Variants in SGPP2 observed in about 807,000 individuals in gnomAD.
The protein encoded by SGPP2 is sphingosine-1-phosphate phosphatase 2, also known as sphingosine 1-phosphate phosphohydrolase 2.
A neutral mutation model predicts 33.9 loss-of-function variants in SGPP2; 30 were observed. The observed-to-expected ratio is 0.89, with a 90% CI of 0.66 to 1.20. SGPP2 has a LOEUF of 1.20. Among genes scored for constraint, SGPP2 ranks in the 50% most tolerant of loss-of-function variants. The pLI is 0.00. For missense variants in SGPP2, 458 were observed against 532.1 expected (o/e 0.86, Z 1.37); for synonymous variants, 233 against 225.0 (o/e 1.04, Z -0.32).
At chr2:222,506,002 A>G (rs1227116384) in intron 2 of SGPP2, among the ~76,000 whole-genome samples, 1 of 152,038 alleles carries the variant, frequency 6.6e-6, no homozygotes, top group African/African-American at 2.4e-5. Flanking sequence ...ATCAAACTAT[A>G]TATGACGCCA....
rs894241585 is a variant in SGPP2 at position 222,559,239 on chromosome 2, T to C, written c.*341T>C. 8.1e-6 allele frequency: 2 copies of C among 247,784 alleles called. No homozygotes were observed. Among genetic ancestry groups the C allele is most frequent in the Non-Finnish European group, 7.6e-6 (1 of 130,936 alleles). The allele number at this position is 247,784 out of a possible 1,614,324, so 15.3% of individuals were successfully genotyped here. A position where few individuals can be genotyped will look rare whatever the true frequency, so the allele number is the denominator to read the frequency against. ...GATCTAGTCATGGGCTGGCAGGAATTGTGGCCTGGCTTAGGAATAGCTATG... is the reference window on the plus strand; with the variant it reads ...GATCTAGTCATGGGCTGGCAGGAATCGTGGCCTGGCTTAGGAATAGCTATG... On this transcript the variant is annotated 3_prime_UTR_variant, in exon 5 of 5. Coordinates refer to ENST00000321276, the MANE Select transcript of SGPP2 (RefSeq NM_152386.4).
chr2:222,442,895 C>T (rs1248955724), intron 1 of SGPP2, among the ~76,000 whole-genome samples: 1 of 152,290 alleles, frequency 6.6e-6, no homozygotes, highest in East Asian at 1.9e-4. Flanking sequence ...GCAAGCTCAG[C>T]AGGAGTCAAT....
At chr2:222,533,841 T>G (rs1054988950) in intron 4 of SGPP2, among the ~76,000 whole-genome samples, 5 of 152,068 alleles carry the variant, frequency 3.3e-5, no homozygotes, top group African/African-American at 9.7e-5. Context: ...GAGGAGAGTT[T>G]CAGGGAAGAT....
chr2:222,524,277 C>T (rs920444182), intron 3 of SGPP2, among the ~76,000 whole-genome samples: 7 of 152,202 alleles, frequency 4.6e-5, no homozygotes, highest in Non-Finnish European at 5.9e-5. Flanking sequence ...CTTCTTACTA[C>T]AGTATACCAC....
intron 1 of SGPP2, among the ~76,000 whole-genome samples, chr2:222,466,852 G>A (rs1697753958): frequency 6.6e-6 from 1 of 152,124 alleles, no homozygotes; most frequent in Admixed American, 6.6e-5. Flanking sequence ...ATTTGATCAG[G>A]CTGCTGTCTC....
intron 1 of SGPP2, among the ~76,000 whole-genome samples, chr2:222,425,549 G>A (rs968518079): frequency 1.3e-5 from 2 of 152,178 alleles, no homozygotes; most frequent in Admixed American, 1.3e-4. Flanking sequence ...GGCTTGGGGG[G>A]AACCAGCGTG....
intron 4 of SGPP2, among the ~76,000 whole-genome samples, chr2:222,541,172 A>G (rs1574887109): frequency 6.6e-6 from 1 of 152,172 alleles, no homozygotes; most frequent in African/African-American, 2.4e-5. Flanking sequence ...AACAGCAAAT[A>G]TCATCCAAGC....
chr2:222,426,209 CAAAAAAAAAAAAA>C (rs59881994), intron 1 of SGPP2, among the ~76,000 whole-genome samples: 16 of 58,758 alleles, frequency 2.7e-4, no homozygotes. Context: ...GACTCCGTCT[CAAAAAAAAAAAAA>C]AAAAAAAAAA....
At chr2:222,453,259 G>A (rs1422500937) in intron 1 of SGPP2, 15 of 759,090 alleles carry the variant, frequency 2.0e-5, no homozygotes, top group Non-Finnish European at 3.7e-5. Context: ...ATGCTTTGAA[G>A]CCAGGCAGGT....
At chr2:222,512,122 C>G (rs1574870166) in intron 2 of SGPP2, among the ~76,000 whole-genome samples, 1 of 152,232 alleles carries the variant, frequency 6.6e-6, no homozygotes, top group South Asian at 2.1e-4. Flanking sequence ...TCACGCCATT[C>G]TGCCTCAGCC....
chr2:222,552,067 A>T (rs1440547695), intron 4 of SGPP2, among the ~76,000 whole-genome samples: 1 of 152,208 alleles, frequency 6.6e-6, no homozygotes, highest in African/African-American at 2.4e-5. Flanking sequence ...GCTGAGTAGT[A>T]TTCCATTGTA....
At chr2:222,493,520 T>C in intron 2 of SGPP2, among the ~76,000 whole-genome samples, 1 of 152,140 alleles carries the variant, frequency 6.6e-6, no homozygotes, top group Non-Finnish European at 1.5e-5. Context: ...AGTCAAACCA[T>C]ATCACAAGTC....
chr2:222,443,366 T>C (rs187470797), intron 1 of SGPP2, among the ~76,000 whole-genome samples: 20 of 152,304 alleles, frequency 1.3e-4, no homozygotes, highest in Non-Finnish European at 2.8e-4. Context: ...TTTCAACCCT[T>C]GTCCCTCTCC....
chr2:222,473,687 G>A (rs1407539103), intron 1 of SGPP2, among the ~76,000 whole-genome samples: 2 of 152,184 alleles, frequency 1.3e-5, no homozygotes, highest in Non-Finnish European at 2.9e-5. Flanking sequence ...CACTTTGGGA[G>A]GCCGAGGTGG....
At chr2:222,426,328 A>G (rs2106051809) in intron 1 of SGPP2, among the ~76,000 whole-genome samples, 1 of 152,064 alleles carries the variant, frequency 6.6e-6, no homozygotes, top group Middle Eastern at 3.5e-3. Flanking sequence ...ACCCACAGGT[A>G]GACACGTGAG....
chr2:222,435,392 C>T (rs1453563038), intron 1 of SGPP2, among the ~76,000 whole-genome samples: 1 of 152,134 alleles, frequency 6.6e-6, no homozygotes, highest in Non-Finnish European at 1.5e-5. Context: ...TGTTAATCTC[C>T]TTTGGCAACA....
intron 1 of SGPP2, among the ~76,000 whole-genome samples, chr2:222,446,045 C>T (rs553459451): frequency 2.0e-5 from 3 of 152,236 alleles, no homozygotes; most frequent in African/African-American, 4.8e-5. Flanking sequence ...AGCAGAGGAA[C>T]GAGTAGAAAT....
rs1407710519 is a variant in SGPP2 at position 222,488,765 on chromosome 2, T to A, written c.378+14039T>A. Reference sequence around the variant, plus strand: ...GGGGATGTGTGTGTGTGTATGTGTGTGTGTACAAACATAGACACACATATA... The same window carrying A: ...GGGGATGTGTGTGTGTGTATGTGTGAGTGTACAAACATAGACACACATATA... On this transcript the variant is annotated intron_variant, in intron 2 of 4. Transcript: ENST00000321276. Among the ~76,000 whole-genome samples the A allele has an allele frequency of 3.3e-5, 5 of 152,216 alleles. 1 individual carries two copies. Among genetic ancestry groups the A allele is most frequent in the African/African-American group, 9.6e-5 (4 of 41,458 alleles).
intron 2 of SGPP2, among the ~76,000 whole-genome samples, chr2:222,488,716 A>G (rs930685767): frequency 3.9e-5 from 6 of 152,190 alleles, no homozygotes; most frequent in Non-Finnish European, 7.3e-5. Context: ...AACATCAAAC[A>G]TGCAAGCCTT....
Sources: allele counts gnomAD v4.1 joint callset (sites outside exome capture counted in the v4.1 genomes callset), GRCh38; gene constraint gnomAD v4.1.1; transcripts MANE v1.5; gene names NCBI Gene and HGNC (gene_info 2026-07-23, HGNC 2026-07-21).